Variants in NRDC observed in about 807,000 individuals in gnomAD.
The protein encoded by NRDC is nardilysin convertase.
In NRDC, 54 loss-of-function variants were observed where a neutral mutation model predicts 147.1. The ratio of observed to expected loss-of-function variants is 0.37; its 90% CI spans 0.29 to 0.46. The LOEUF (loss-of-function observed/expected upper bound fraction) is 0.46, where lower values mean the gene tolerates loss of function less well. NRDC is among the 20% of genes least tolerant of loss of function. The probability of loss-of-function intolerance (pLI) is 1.00; values close to 1 mark genes in which losing one functional copy is unlikely to be tolerated. For synonymous variants in NRDC, 440 were observed against 482.1 expected, an observed-to-expected ratio of 0.91 and a Z score of 1.14; for missense variants, 1,082 against 1,370.6, an observed-to-expected ratio of 0.79 and a Z score of 3.33.
At position 51,790,927 on chromosome 1, in the gene NRDC, G is replaced by A. The variant is rs748174642; in HGVS notation, c.3024C>T (p.Asn1008=). Residue 1008 remains asparagine, a synonymous_variant, in exon 28 of 31, where the codon AAC becomes AAT. Coordinates refer to ENST00000352171, the MANE Select transcript of NRDC (RefSeq NM_001101662.2). The part of the protein sequence containing the change: ...FLSSFEEKIE[N]LTEEAFNTQV... ...GGGTGTTGAATGCCTCTTCAGTGAG[G>A]TTCTCAATCTTCTCCTCAAAGCTAG... 1.5e-5 allele frequency: 24 copies of A among 1,613,708 alleles called. No individual in the cohort carries two copies. Among genetic ancestry groups the A allele is most frequent in the Non-Finnish European group, 1.9e-5 (23 of 1,179,836 alleles).
intron 1 of NRDC, among the ~76,000 whole-genome samples, chr1:51,844,512 G>A: frequency 6.6e-6 from 1 of 151,912 alleles, no homozygotes; most frequent in African/African-American, 2.4e-5. Context: ...TAGGGCCGAA[G>A]AGGACGGATC....
At chr1:51,861,264 A>AT (rs1682520579) in intron 1 of NRDC, among the ~76,000 whole-genome samples, 2 of 62,134 alleles carry the variant, frequency 3.2e-5, no homozygotes, top group Non-Finnish European at 6.5e-5. Flanking sequence ...AAGTGGTATT[A>AT]CTTTTTTTTT....
chr1:51,861,534 C>T (rs186129765), intron 1 of NRDC, among the ~76,000 whole-genome samples: 270 of 150,940 alleles, frequency 1.8e-3, no homozygotes, highest in African/African-American at 6.2e-3. Flanking sequence ...TTAGTAGAGA[C>T]GTGGTTTCAC....
At chr1:51,790,282 A>G (rs1022435736) in intron 29 of NRDC, among the ~76,000 whole-genome samples, 4 of 152,224 alleles carry the variant, frequency 2.6e-5, no homozygotes, top group African/African-American at 4.8e-5. Flanking sequence ...AGACCTCAAT[A>G]TATAGCATAA....
At chr1:51,877,024 T>C (rs1407731891) in intron 1 of NRDC, among the ~76,000 whole-genome samples, 4 of 151,924 alleles carry the variant, frequency 2.6e-5, no homozygotes, top group Non-Finnish European at 5.9e-5. Context: ...CCGTCTCCAC[T>C]AAAAATACAA....
intron 1 of NRDC, among the ~76,000 whole-genome samples, chr1:51,861,185 G>A (rs1682513260): frequency 6.6e-6 from 1 of 150,934 alleles, no homozygotes; most frequent in African/African-American, 2.4e-5. Flanking sequence ...CCTGACCTCA[G>A]GTGATCCACC....
intron 1 of NRDC, among the ~76,000 whole-genome samples, chr1:51,850,245 T>G (rs118034407): frequency 0.012 from 1,759 of 152,072 alleles, 65 homozygotes; most frequent in East Asian, 0.099. Flanking sequence ...GAAGCTGAAG[T>G]ACTAACAGGA....
In NRDC at chr1:51,809,406, A is replaced by G; in HGVS notation, c.1904-5T>C. 6.3e-7 allele frequency: 1 copy of G among 1,586,148 alleles called. No individual in the cohort carries two copies. Among genetic ancestry groups the G allele is most frequent in the Non-Finnish European group, 8.7e-7 (1 of 1,154,576 alleles). On this transcript the variant is annotated splice_region_variant and splice_polypyrimidine_tract_variant and intron_variant, in intron 16 of 30. Coordinates refer to ENST00000352171, the MANE Select transcript of NRDC (RefSeq NM_001101662.2). The stretch of plus-strand genomic sequence containing the variant: ...CAGCCCAAGAGTTTTCAATATCTGT[A>G]AAGGAGAAAAATAAACTGACCCAAT...
intron 1 of NRDC, among the ~76,000 whole-genome samples, chr1:51,870,705 CTGGG>C (rs1683041341): frequency 6.6e-6 from 1 of 152,070 alleles, no homozygotes; most frequent in Admixed American, 6.6e-5. Flanking sequence ...ATGAGCCTCT[CTGGG>C]TATGTTCTTA....
At chr1:51,822,423 C>T (rs1483126171) in intron 7 of NRDC, among the ~76,000 whole-genome samples, 1 of 152,162 alleles carries the variant, frequency 6.6e-6, no homozygotes, top group African/African-American at 2.4e-5. Flanking sequence ...GGCCTGTAAT[C>T]CCAGCTATCT....
intron 1 of NRDC, among the ~76,000 whole-genome samples, chr1:51,850,431 T>TTA (rs1193589689): frequency 1.2e-5 from 1 of 86,338 alleles, no homozygotes; most frequent in African/African-American, 3.1e-5. Flanking sequence ...AAATTCCAGA[T>TTA]TACTTAGAGC....
At chr1:51,805,419 T>A in intron 19 of NRDC, 91 bp downstream of exon 19, 1 of 998,418 alleles carries the variant, frequency 1.0e-6, no homozygotes, top group Non-Finnish European at 1.5e-6. Flanking sequence ...CAAATATGGA[T>A]AGAGAAAATG....
chr1:51,789,452 A>T lies in NRDC; in HGVS notation c.3259-19T>A. ...CAACAACCTGAAAGAGGACAAAGAC[A>T]AAAGTGAAAAATATGCTGACCAGAT... On this transcript the variant is annotated intron_variant, in intron 30 of 30. Transcript: ENST00000352171. 1 of 1,613,234 alleles carries T rather than the reference A, an allele frequency of 6.2e-7. No homozygotes were observed. The highest frequency in any genetic ancestry group is 8.5e-7 in the Non-Finnish European group (1 of 1,179,200).
intron 12 of NRDC, 26 bp downstream of exon 12, chr1:51,814,667 A>C (rs1382105666): frequency 6.2e-7 from 1 of 1,604,996 alleles, no homozygotes; most frequent in East Asian, 2.2e-5. Context: ...GTAAAAGGAA[A>C]AAACAACTGA....
chr1:51,877,505 A>G (rs1454734489), intron 1 of NRDC, among the ~76,000 whole-genome samples: 1 of 152,172 alleles, frequency 6.6e-6, no homozygotes, highest in African/African-American at 2.4e-5. Flanking sequence ...TTATTAAAAC[A>G]CACACGCACA....
intron 1 of NRDC, among the ~76,000 whole-genome samples, chr1:51,877,668 A>T (rs1683398520): frequency 6.6e-6 from 1 of 152,232 alleles, no homozygotes; most frequent in Admixed American, 6.5e-5. Flanking sequence ...AGGTTAGAAG[A>T]AACCTTACAA....
chr1:51,834,140 T>A lies in NRDC; in HGVS notation c.743A>T (p.Asp248Val). 6.2e-7 allele frequency: 1 copy of A among 1,613,938 alleles called. No individual in the cohort carries two copies. Among genetic ancestry groups the A allele is most frequent in the South Asian group, 1.1e-5 (1 of 91,082 alleles). The change falls in exon 4 of 31, where the codon GAT (aspartate) becomes GTT (valine). Residue 248 changes from aspartate to valine, a missense_variant. By Grantham distance (152) the Asp-to-Val change is radical. Coordinates refer to ENST00000352171, the MANE Select transcript of NRDC (RefSeq NM_001101662.2). ...CAGGAAGGCATCAAATCCATTCTCA[T>A]CTGGATATTTCAAACTACCCATGAA... Reference protein sequence around the residue: ...MVFMGSLKYPDENGFDAFLKK... With the variant: ...MVFMGSLKYPVENGFDAFLKK...
chr1:51,866,997 CAG>C (rs749289149), intron 1 of NRDC, among the ~76,000 whole-genome samples: 7 of 151,942 alleles, frequency 4.6e-5, no homozygotes, highest in Admixed American at 6.6e-5. Flanking sequence ...TATTCAAAGA[CAG>C]AGTCTCAGTC....
intron 1 of NRDC, among the ~76,000 whole-genome samples, chr1:51,855,949 G>A (rs1477986909): frequency 1.3e-5 from 2 of 151,914 alleles, no homozygotes; most frequent in Non-Finnish European, 2.9e-5. Flanking sequence ...AAAATGATGC[G>A]CAATCTCACT....
Sources: allele counts gnomAD v4.1 joint callset (sites outside exome capture counted in the v4.1 genomes callset), GRCh38; gene constraint gnomAD v4.1.1; transcripts MANE v1.5; gene names NCBI Gene and HGNC (gene_info 2026-07-23, HGNC 2026-07-21).